CHSY1: variants seen among roughly 807,000 people sequenced by gnomAD.
CHSY1 encodes the protein N-acetylgalactosaminyl-proteoglycan 3-beta-glucuronosyltransferase 1.
CHSY1 carries 13 observed loss-of-function variants against 59.8 expected under a neutral mutation model. The observed-to-expected ratio is 0.22, with a 90% CI of 0.14 to 0.35. The LOEUF is 0.35. Ranked by LOEUF, CHSY1 falls within the 10% of genes least tolerant of loss-of-function variation. CHSY1 has a pLI of 1.00. For missense variants in CHSY1, 947 were observed against 1,030.6 expected, an observed-to-expected ratio of 0.92 and a Z score of 1.11; for synonymous variants, 459 against 401.2, an observed-to-expected ratio of 1.14 and a Z score of -1.72.
At chr15:101,205,951 CA>C (rs1170295420) in intron 2 of CHSY1, among the ~76,000 whole-genome samples, 2,265 of 133,868 alleles carry the variant, frequency 0.017, 50 homozygotes, top group African/African-American at 0.054. Context: ...GACTCCGTCT[CA>C]AAAAAAAAAA....
At chr15:101,203,023 T>C (rs1035350472) in intron 2 of CHSY1, among the ~76,000 whole-genome samples, 1 of 152,178 alleles carries the variant, frequency 6.6e-6, no homozygotes, top group Admixed American at 6.5e-5. Flanking sequence ...CTGGTTAGCA[T>C]ATAAAAATAA....
At chr15:101,219,688 G>A (rs925756663) in intron 2 of CHSY1, among the ~76,000 whole-genome samples, 8 of 152,002 alleles carry the variant, frequency 5.3e-5, no homozygotes, top group South Asian at 2.1e-4. Flanking sequence ...GTACTGTCTC[G>A]TACACCAGTC....
At chr15:101,240,130 G>A (rs1320165079) in intron 1 of CHSY1, among the ~76,000 whole-genome samples, 1 of 152,158 alleles carries the variant, frequency 6.6e-6, no homozygotes, top group African/African-American at 2.4e-5. Context: ...AATGACTGGT[G>A]GTTGGTTTGA....
intron 1 of CHSY1, among the ~76,000 whole-genome samples, chr15:101,242,291 C>T (rs1209694264): frequency 1.3e-5 from 2 of 152,176 alleles, no homozygotes; most frequent in African/African-American, 4.8e-5. Flanking sequence ...GGCTGCCCTG[C>T]CCAGGGCAAA....
chr15:101,186,275 G>A (rs1241633121), intron 2 of CHSY1, among the ~76,000 whole-genome samples: 5 of 151,570 alleles, frequency 3.3e-5, no homozygotes, highest in East Asian at 1.9e-4. Flanking sequence ...AGCCGAGATC[G>A]TGCCACTGCA....
chr15:101,185,699 CTTTTTTTTTTT>C (rs10556870), intron 2 of CHSY1, among the ~76,000 whole-genome samples: 1 of 121,358 alleles, frequency 8.2e-6, no homozygotes, highest in East Asian at 2.5e-4. Flanking sequence ...CTCGAAATAT[CTTTTTTTTTTT>C]TTTTTTTTTT....
chr15:101,201,206 A>C (rs1259600347), intron 2 of CHSY1, among the ~76,000 whole-genome samples: 1 of 152,222 alleles, frequency 6.6e-6, no homozygotes, highest in African/African-American at 2.4e-5. Flanking sequence ...ATTCCCCACA[A>C]ATGGGTATAG....
At chr15:101,181,429 T>C (rs1596422789) in intron 2 of CHSY1, among the ~76,000 whole-genome samples, 1 of 152,376 alleles carries the variant, frequency 6.6e-6, no homozygotes, top group Non-Finnish European at 1.5e-5. Context: ...TTGTGGAAGG[T>C]CTCTCCATTT....
Position 101,178,535 on chromosome 15 carries a change from T to A in CHSY1, c.1262A>T (p.Lys421Met). The A allele has an allele frequency of 6.2e-7, 1 of 1,614,264 alleles. No individual in the cohort carries two copies. The highest frequency in any genetic ancestry group is 8.5e-7 in the Non-Finnish European group (1 of 1,180,038). The change falls in exon 3 of 3, where the codon AAG becomes ATG. Residue 421 changes from lysine (K) to methionine (M), a missense_variant. Lys to Met is a moderately conservative substitution (Grantham distance 95). Transcript: ENST00000254190. The part of the protein sequence containing the change: ...QVMEMINANA[K>M]TRGRIIDFKE... ...GAAGTCAATGATGCGCCCTCTGGTC[T>A]TGGCGTTGGCATTGATCATCTCCAT...
At chr15:101,222,026 T>C (rs983318103) in intron 2 of CHSY1, among the ~76,000 whole-genome samples, 1 of 152,148 alleles carries the variant, frequency 6.6e-6, no homozygotes, top group Non-Finnish European at 1.5e-5. Flanking sequence ...CAGGGAAACA[T>C]TTTGCTGTAA....
intron 1 of CHSY1, among the ~76,000 whole-genome samples, chr15:101,236,859 C>G (rs1319150078): frequency 6.6e-6 from 1 of 151,530 alleles, no homozygotes. Flanking sequence ...TTTAAAAACC[C>G]CTCTGTTTCT....
intron 1 of CHSY1, among the ~76,000 whole-genome samples, chr15:101,250,901 G>A (rs900526655): frequency 1.3e-5 from 2 of 152,064 alleles, no homozygotes; most frequent in Non-Finnish European, 2.9e-5. Flanking sequence ...GGTACACCCA[G>A]CGAGGCCACA....
At chr15:101,209,519 C>A (rs181215683) in intron 2 of CHSY1, among the ~76,000 whole-genome samples, 43 of 152,146 alleles carry the variant, frequency 2.8e-4, no homozygotes, top group Middle Eastern at 3.4e-3. Flanking sequence ...TAAGTAAAAA[C>A]CTTTATCACT....
intron 1 of CHSY1, among the ~76,000 whole-genome samples, chr15:101,243,478 G>A (rs769105579): frequency 6.6e-6 from 1 of 152,114 alleles, no homozygotes; most frequent in Non-Finnish European, 1.5e-5. Flanking sequence ...CCTGAACTGA[G>A]GCACCGTCCT....
At chr15:101,211,253 G>A (rs2141260875) in intron 2 of CHSY1, among the ~76,000 whole-genome samples, 1 of 152,350 alleles carries the variant, frequency 6.6e-6, no homozygotes, top group South Asian at 2.1e-4. Context: ...GAACCTGGGA[G>A]ATGGAGGTTG....
intron 2 of CHSY1, among the ~76,000 whole-genome samples, chr15:101,180,138 C>T (rs957428171): frequency 2.0e-5 from 3 of 152,304 alleles, no homozygotes; most frequent in Admixed American, 6.5e-5. Flanking sequence ...ACTGCAACTA[C>T]CGTTTAATAG....
chr15:101,212,122 C>T (rs899681537), intron 2 of CHSY1, among the ~76,000 whole-genome samples: 1 of 152,172 alleles, frequency 6.6e-6, no homozygotes, highest in Non-Finnish European at 1.5e-5. Flanking sequence ...ATGCACTACA[C>T]ACCCATCAGA....
At chr15:101,191,681 C>T (rs1433644915) in intron 2 of CHSY1, among the ~76,000 whole-genome samples, 1 of 152,106 alleles carries the variant, frequency 6.6e-6, no homozygotes, top group Non-Finnish European at 1.5e-5. Context: ...GCAGGCGCCA[C>T]TTGGGAAATC....
chr15:101,248,089 A>G (rs188211601), intron 1 of CHSY1, among the ~76,000 whole-genome samples: 2 of 152,348 alleles, frequency 1.3e-5, no homozygotes, highest in East Asian at 3.9e-4. Flanking sequence ...TAAGATGAAG[A>G]ATGAATTTAC....
Sources: allele counts gnomAD v4.1 joint callset (sites outside exome capture counted in the v4.1 genomes callset), GRCh38; gene constraint gnomAD v4.1.1; transcripts MANE v1.5; gene names NCBI Gene and HGNC (gene_info 2026-07-23, HGNC 2026-07-21).